CRPPA: variants seen among roughly 807,000 people sequenced by gnomAD.
CRPPA encodes CDP-L-ribitol pyrophosphorylase A, also known as D-ribitol-5-phosphate cytidylyltransferase.
CRPPA carries 43 observed loss-of-function variants against 52.0 expected under a neutral mutation model. That is an observed-to-expected ratio of 0.83 (90% CI 0.65 to 1.07). The LOEUF (loss-of-function observed/expected upper bound fraction) is 1.07. Among genes scored for constraint, CRPPA ranks in the 50% least tolerant of loss-of-function variants. CRPPA has a pLI of 0.00. For missense variants in CRPPA, 629 were observed against 551.7 expected, an observed-to-expected ratio of 1.14 and a Z score of -1.40; for synonymous variants, 250 against 203.5, an observed-to-expected ratio of 1.23 and a Z score of -1.94.
intron 5 of CRPPA, among the ~76,000 whole-genome samples, chr7:16,283,084 G>A (rs1311499501): frequency 2.0e-5 from 3 of 151,878 alleles, no homozygotes; most frequent in African/African-American, 4.8e-5. Context: ...TGATTCTGAT[G>A]TATAGCCAGA....
chr7:16,305,317 A>G (rs1784884131), intron 4 of CRPPA, among the ~76,000 whole-genome samples: 1 of 152,218 alleles, frequency 6.6e-6, no homozygotes, highest in Admixed American at 6.5e-5. Flanking sequence ...AAAAACAAAC[A>G]AACAAAAAAC....
chr7:16,217,818 G>C (rs1401636134), intron 8 of CRPPA, among the ~76,000 whole-genome samples: 1 of 151,630 alleles, frequency 6.6e-6, no homozygotes, highest in Non-Finnish European at 1.5e-5. Context: ...CGTCTGATTG[G>C]TGTACCTGAA....
chr7:16,389,928 A>AAAAAATATATATAT, intron 2 of CRPPA, among the ~76,000 whole-genome samples: 3 of 29,758 alleles, frequency 1.0e-4, no homozygotes, highest in Non-Finnish European at 1.6e-4. Flanking sequence ...AAAAAAAAAA[A>AAAAAATATATATAT]ATATATATAT....
intron 9 of CRPPA, among the ~76,000 whole-genome samples, chr7:16,129,184 G>A (rs1168775809): frequency 6.6e-6 from 1 of 152,028 alleles, no homozygotes; most frequent in Non-Finnish European, 1.5e-5. Context: ...CTCATTTTCA[G>A]TCCTTTGAAT....
intron 9 of CRPPA, among the ~76,000 whole-genome samples, chr7:16,119,046 T>C (rs956141106): frequency 1.1e-4 from 16 of 151,766 alleles, no homozygotes; most frequent in Admixed American, 9.8e-4. Flanking sequence ...TCCGAAGGAG[T>C]CTTTCTTGGT....
intron 2 of CRPPA, among the ~76,000 whole-genome samples, chr7:16,381,693 T>C (rs572319721): frequency 0.017 from 2,644 of 151,978 alleles, 59 homozygotes; most frequent in African/African-American, 0.049. Flanking sequence ...GGTGCATATA[T>C]ATTTAGGATA....
intron 2 of CRPPA, among the ~76,000 whole-genome samples, chr7:16,399,530 GTGAC>G (rs1399737631): frequency 6.6e-6 from 1 of 151,906 alleles, no homozygotes; most frequent in Non-Finnish European, 1.5e-5. Context: ...TGATTGACAC[GTGAC>G]TGACACGAGA....
At chr7:16,213,074 G>C (rs185443070) in intron 9 of CRPPA, among the ~76,000 whole-genome samples, 19 of 152,252 alleles carry the variant, frequency 1.2e-4, no homozygotes. Context: ...GCATTAAAAA[G>C]TCATTATAGA....
At chr7:16,393,316 A>G (rs1038346833) in intron 2 of CRPPA, among the ~76,000 whole-genome samples, 4 of 152,190 alleles carry the variant, frequency 2.6e-5, no homozygotes, top group African/African-American at 9.6e-5. Context: ...TAAGAACAGC[A>G]GGGAAAGGGA....
At chr7:16,146,105 T>A (rs901049220) in intron 9 of CRPPA, among the ~76,000 whole-genome samples, 2 of 151,944 alleles carry the variant, frequency 1.3e-5, no homozygotes, top group Non-Finnish European at 2.9e-5. Flanking sequence ...AACATCCATA[T>A]GACTATGACT....
At chr7:16,285,968 CA>C (rs1449105681) in intron 5 of CRPPA, among the ~76,000 whole-genome samples, 2 of 117,210 alleles carry the variant, frequency 1.7e-5, no homozygotes, top group Non-Finnish European at 3.5e-5. Flanking sequence ...TGCAGTGAGC[CA>C]AGATTGCACC....
At chr7:16,205,132 A>G (rs1225114997) in intron 9 of CRPPA, among the ~76,000 whole-genome samples, 1 of 152,176 alleles carries the variant, frequency 6.6e-6, no homozygotes, top group East Asian at 1.9e-4. Flanking sequence ...ATTCACCATT[A>G]CTTATGTTCT....
chr7:16,414,663 C>T (rs1471392546), intron 1 of CRPPA, among the ~76,000 whole-genome samples: 1 of 152,130 alleles, frequency 6.6e-6, no homozygotes. Flanking sequence ...GTGATTAGTA[C>T]CCCTAATCTC....
chr7:16,335,872 G>C (rs895382065), intron 3 of CRPPA, among the ~76,000 whole-genome samples: 1 of 152,098 alleles, frequency 6.6e-6, no homozygotes, highest in Admixed American at 6.5e-5. Context: ...GCAGTGGGCG[G>C]GTAAGAAACG....
chr7:16,264,919 G>A (rs1295145), intron 6 of CRPPA, among the ~76,000 whole-genome samples: 1 of 152,016 alleles, frequency 6.6e-6, no homozygotes, highest in Non-Finnish European at 1.5e-5. Flanking sequence ...CGTCGTTGCT[G>A]TGTGACTTTG....
chr7:16,349,688 A>T (rs1426117490), intron 3 of CRPPA, among the ~76,000 whole-genome samples: 1 of 152,124 alleles, frequency 6.6e-6, no homozygotes, highest in Non-Finnish European at 1.5e-5. Context: ...GAACTCAAAG[A>T]TCACCAGAAA....
chr7:16,141,963 A>G (rs1782880923), intron 9 of CRPPA, among the ~76,000 whole-genome samples: 1 of 152,104 alleles, frequency 6.6e-6, no homozygotes, highest in African/African-American at 2.4e-5. Flanking sequence ...TCAGCCTGTG[A>G]GAGAGAGGAA....
intron 8 of CRPPA, among the ~76,000 whole-genome samples, chr7:16,246,960 T>A (rs1406113239): frequency 3.3e-5 from 5 of 152,238 alleles, no homozygotes; most frequent in African/African-American, 1.2e-4. Flanking sequence ...CATTTGAAGC[T>A]AGGCATTGAC....
intron 9 of CRPPA, among the ~76,000 whole-genome samples, chr7:16,122,778 G>A (rs1388725055): frequency 6.6e-6 from 1 of 152,026 alleles, no homozygotes; most frequent in African/African-American, 2.4e-5. Context: ...AGAAAGGGTG[G>A]GAGAAGTTTG....
Sources: allele counts gnomAD v4.1 joint callset (sites outside exome capture counted in the v4.1 genomes callset), GRCh38; gene constraint gnomAD v4.1.1; transcripts MANE v1.5; gene names NCBI Gene and HGNC (gene_info 2026-07-23, HGNC 2026-07-21).